Variants in ATRX observed in about 807,000 individuals in gnomAD.
ATRX encodes the protein ATRX chromatin remodeler.
A neutral mutation model predicts 172.6 loss-of-function variants in ATRX; 12 were observed. The observed-to-expected ratio is 0.07, with a 90% CI of 0.04 to 0.11. The LOEUF (loss-of-function observed/expected upper bound fraction) is 0.11. Among genes scored for constraint, ATRX ranks in the 10% least tolerant of loss-of-function variants. The probability of loss-of-function intolerance (pLI) is 1.00; values close to 1 mark genes in which losing one functional copy is unlikely to be tolerated. For missense variants in ATRX, 1,368 were observed against 1,767.4 expected (o/e 0.77, Z 4.05); for synonymous variants, 674 against 594.7 (o/e 1.13, Z -1.94).
At chrX:77,678,468 C>T (rs1208295697) in intron 9 of ATRX, among the ~76,000 whole-genome samples, 2 of 112,017 alleles carry the variant, frequency 1.8e-5, no homozygotes, top group African/African-American at 6.5e-5. Context: ...TGTGTAGCCC[C>T]ATTATAGTTT....
intron 34 of ATRX, among the ~76,000 whole-genome samples, chrX:77,519,789 C>A (rs781906363): frequency 9.0e-6 from 1 of 111,211 alleles, no homozygotes; most frequent in Non-Finnish European, 1.9e-5. Context: ...ATATGATTCA[C>A]CAGTCCCACT....
chrX:77,686,034 G>C (rs1435950932), intron 7 of ATRX, among the ~76,000 whole-genome samples: 1 of 111,598 alleles, frequency 9.0e-6, no homozygotes, highest in African/African-American at 3.3e-5. Context: ...ATGTCATGAA[G>C]GACAGTTACA....
chrX:77,522,019 T>C, intron 32 of ATRX: 1 of 357,944 alleles, frequency 2.8e-6, no homozygotes, highest in Non-Finnish European at 4.9e-6. Flanking sequence ...AGCCCTATTG[T>C]TTCTTAATTA....
chrX:77,612,390 G>C (rs369413158), intron 22 of ATRX, among the ~76,000 whole-genome samples: 4 of 107,912 alleles, frequency 3.7e-5, no homozygotes, highest in African/African-American at 1.4e-4. Flanking sequence ...GACACAGGGA[G>C]GGGCACATCA....
chrX:77,728,025 G>A lies in ATRX; in HGVS notation c.21-10782C>T, dbSNP rs781813434. The A allele has an allele frequency of 1.7e-4, 19 of 110,198 alleles. No individual in the cohort carries two copies. In the East Asian group the frequency reaches 4.2e-3, roughly 24 times the overall value. The allele number at this position is 110,198 out of a possible 1,213,427, so 9.1% of individuals were successfully genotyped here. On this transcript the variant is annotated intron_variant, in intron 1 of 34. Transcript: ENST00000373344. ...GAAAAGTGAAAGATGGAAAATTAGCGGTAGAATGTGTTATGTACAATGCCA... is the reference window on the plus strand; with the variant it reads ...GAAAAGTGAAAGATGGAAAATTAGCAGTAGAATGTGTTATGTACAATGCCA...
chrX:77,734,918 C>T (rs1032576962), intron 1 of ATRX, among the ~76,000 whole-genome samples: 2 of 109,733 alleles, frequency 1.8e-5, no homozygotes, highest in Non-Finnish European at 3.8e-5. Flanking sequence ...CGAGATCAGC[C>T]TGGCCAACAT....
In ATRX at chrX:77,682,349, T is replaced by G. The variant is rs782330959; in HGVS notation, c.2907A>C (p.Leu969=). The change falls in exon 9 of 35, where the codon CTA becomes CTC. Residue 969 remains leucine, a synonymous_variant. Transcript: ENST00000373344. ...AAGTTTCATCGCTCTGGTCTTTCTTTAGGAATTTCTCTGCAATATCAGATA... is the reference window on the plus strand; with the variant it reads ...AAGTTTCATCGCTCTGGTCTTTCTTGAGGAATTTCTCTGCAATATCAGATA... ...DGLSDIAEKF[L]KKDQSDETSE... is the part of the protein sequence containing the mutation. The G allele has an allele frequency of 1.7e-5, 21 of 1,210,695 alleles. No individual in the cohort carries two copies. The highest frequency in any genetic ancestry group is 2.3e-4 in the Middle Eastern group (1 of 4,346).
intron 1 of ATRX, among the ~76,000 whole-genome samples, chrX:77,784,902 AT>A (rs2076682237): frequency 8.9e-6 from 1 of 112,054 alleles, no homozygotes; most frequent in African/African-American, 3.2e-5. Flanking sequence ...TTGTAATTTT[AT>A]TTTGCCACTG....
chrX:77,549,150 C>A (rs139693997), intron 30 of ATRX, among the ~76,000 whole-genome samples: 1 of 111,194 alleles, frequency 9.0e-6, no homozygotes, highest in African/African-American at 3.3e-5. Flanking sequence ...TTTAGGAGAC[C>A]GAGGTGGGTC....
intron 22 of ATRX, among the ~76,000 whole-genome samples, chrX:77,610,907 C>G (rs1557093619): frequency 9.3e-6 from 1 of 107,048 alleles, no homozygotes; most frequent in Non-Finnish European, 1.9e-5. Flanking sequence ...CTTTAGGTCA[C>G]AAGCTGGATA....
intron 22 of ATRX, among the ~76,000 whole-genome samples, chrX:77,611,612 C>G (rs367774845): frequency 2.7e-5 from 3 of 111,335 alleles, no homozygotes; most frequent in Admixed American, 9.6e-5. Context: ...AATCCCAGCA[C>G]TTTGGGAGGC....
rs781927194 is a variant in ATRX, at chrX:77,609,580, T to C, written c.5566+7033A>G. Reference sequence around the variant, plus strand: ...CTTGCTGCAGCCTCTGCCTCCCAGATTCAAGCGATTCTCCTGCTTCAGCCT... The same window carrying C: ...CTTGCTGCAGCCTCTGCCTCCCAGACTCAAGCGATTCTCCTGCTTCAGCCT... On this transcript the variant is annotated intron_variant, in intron 22 of 34. Coordinates refer to ENST00000373344, the MANE Select transcript of ATRX (RefSeq NM_000489.6). Among the ~76,000 whole-genome samples, 9 of 112,400 alleles carry C rather than the reference T, an allele frequency of 8.0e-5. No homozygotes were observed. The South Asian group carries it at 3.3e-3, about 42-fold the overall frequency.
chrX:77,576,359 T>A (rs1557070346), intron 27 of ATRX, among the ~76,000 whole-genome samples: 4 of 110,605 alleles, frequency 3.6e-5, no homozygotes. Context: ...AGAAAAAAAA[T>A]ATATTTAAGC....
At chrX:77,713,459 C>T (rs1351223249) in intron 2 of ATRX, among the ~76,000 whole-genome samples, 2 of 110,827 alleles carry the variant, frequency 1.8e-5, no homozygotes, top group African/African-American at 3.3e-5. Flanking sequence ...GGCTGGGGAA[C>T]AGAGAATGGA....
chrX:77,733,540 G>A (rs2074390017), intron 1 of ATRX, among the ~76,000 whole-genome samples: 1 of 109,322 alleles, frequency 9.1e-6, no homozygotes, highest in Non-Finnish European at 1.9e-5. Context: ...GAAAGGTGCC[G>A]AGAACATATG....
intron 22 of ATRX, among the ~76,000 whole-genome samples, chrX:77,608,962 T>C (rs2067037403): frequency 8.9e-6 from 1 of 111,797 alleles, no homozygotes; most frequent in South Asian, 3.7e-4. Context: ...AAAGAAGACA[T>C]GCAAATGGAA....
intron 30 of ATRX, among the ~76,000 whole-genome samples, chrX:77,523,714 T>C (rs1334943249): frequency 8.9e-6 from 1 of 111,822 alleles, no homozygotes; most frequent in African/African-American, 3.2e-5. Context: ...TCTGAGTTGA[T>C]AAATGCTAAC....
At chrX:77,644,922 T>C (rs782477949) in intron 15 of ATRX, among the ~76,000 whole-genome samples, 23 of 111,189 alleles carry the variant, frequency 2.1e-4, no homozygotes, top group African/African-American at 7.5e-4. Flanking sequence ...CAAACTGGGA[T>C]AAACTCAAAT....
chrX:77,661,372 C>T (rs959525882), intron 12 of ATRX, among the ~76,000 whole-genome samples: 5 of 109,625 alleles, frequency 4.6e-5, no homozygotes, highest in South Asian at 3.9e-4. Context: ...AAAATAAGGC[C>T]GGTACGGTGG....
Sources: gnomAD v4.1 joint callset for allele counts (sites outside exome capture counted in the v4.1 genomes callset) on GRCh38, gnomAD v4.1.1 for gene constraint, MANE v1.5 for transcripts, NCBI Gene and HGNC (gene_info 2026-07-23, HGNC 2026-07-21) for gene names.